COL1A1: variants seen among roughly 807,000 people sequenced by gnomAD.
The protein encoded by COL1A1 is collagen alpha-1(I) chain.
In COL1A1, 21 loss-of-function variants were observed where a neutral mutation model predicts 195.7. That is an observed-to-expected ratio of 0.11 (90% CI 0.08 to 0.15). The LOEUF is 0.15. COL1A1 is among the 10% of genes least tolerant of loss of function. The pLI, the probability that COL1A1 is intolerant of heterozygous loss-of-function variation, is 1.00. For synonymous variants in COL1A1, 749 were observed against 747.3 expected (o/e 1.00, Z -0.04); for missense variants, 1,365 against 2,051.0 (o/e 0.67, Z 6.46).
At chr17:50,191,718 C>T in intron 31 of COL1A1, 70 bp downstream of exon 31, 2 of 1,505,214 alleles carry the variant, frequency 1.3e-6, no homozygotes, top group Non-Finnish European at 9.0e-7. Context: ...GGCCCGCCAT[C>T]CCCTGCTGCA....
rs1213511877 is a variant in COL1A1 at position 50,188,586 on chromosome 17, G to A, written c.3151C>T (p.Pro1051Ser). 1 of 1,613,996 alleles carries A rather than the reference G, an allele frequency of 6.2e-7. No homozygotes were observed. Among genetic ancestry groups the A allele is most frequent in the East Asian group, 2.2e-5 (1 of 44,870 alleles). ...GGGCCAACGGGGCCAGGGGCACCAG[G>A]AGCACCAGGAGCACCAGGGGGTCCA... ...PAGPPGAPGA[P>S]GAPGPVGPAG... is the part of the protein sequence containing the mutation. Residue 1051 changes from proline to serine, a missense_variant, in exon 43 of 51, where the codon CCT becomes TCT. Transcript: ENST00000225964. This position sits in a 1 kb window ranked among gnomAD's most constrained non-coding sequence, Gnocchi z 5.6.
rs1907006576 is a variant in COL1A1, at chr17:50,190,795, G to A, written c.2343+22C>T. 1 of 1,594,988 alleles carries A rather than the reference G, an allele frequency of 6.3e-7. No individual in the cohort carries two copies. Among genetic ancestry groups the A allele is most frequent in the African/African-American group, 1.3e-5 (1 of 74,568 alleles). ...GAGGAGGCTATGTGTTAGGGCAGAA[G>A]GTGGGGAGGCGGCCACCTCACCTTG... On this transcript the variant is annotated intron_variant, in intron 33 of 50. Coordinates refer to ENST00000225964, the MANE Select transcript of COL1A1 (RefSeq NM_000088.4). The surrounding 1 kb of genome is among the most constrained non-coding windows in gnomAD (Gnocchi z 4.7).
In COL1A1 at chr17:50,190,307, A is replaced by G. The variant is rs772536528; in HGVS notation, c.2451+20T>C. The G allele has an allele frequency of 3.3e-6, 5 of 1,537,940 alleles. No homozygotes were observed. The highest frequency in any genetic ancestry group is 4.5e-6 in the Non-Finnish European group (5 of 1,112,182). On this transcript the variant is annotated intron_variant, in intron 35 of 50. Coordinates refer to ENST00000225964, the MANE Select transcript of COL1A1 (RefSeq NM_000088.4). The surrounding 1 kb of genome is among the most constrained non-coding windows in gnomAD (Gnocchi z 4.7). ...AGGTCCCAGTCGGTGATGAAAAATGATGGGGGTCTTGGTACTCACAGGGGG... is the reference window on the plus strand; with the variant it reads ...AGGTCCCAGTCGGTGATGAAAAATGGTGGGGGTCTTGGTACTCACAGGGGG...
chr17:50,192,629 T>C lies in COL1A1; in HGVS notation c.1929+11A>G, dbSNP rs1323161515. 17 of 1,614,180 alleles carry C rather than the reference T, an allele frequency of 1.1e-5. No individual in the cohort carries two copies. The East Asian group carries it at 3.8e-4, about 36-fold the overall frequency. ...CTACCTCCCAGCATCCTGACAGCCA[T>C]GAGGCCTCACCTGGAATCCGGGGGA... On this transcript the variant is annotated intron_variant, in intron 28 of 50. Coordinates refer to ENST00000225964, the MANE Select transcript of COL1A1 (RefSeq NM_000088.4).
chr17:50,189,043 G>A lies in COL1A1; in HGVS notation c.2938-33C>T. On this transcript the variant is annotated intron_variant, in intron 40 of 50. Coordinates refer to ENST00000225964, the MANE Select transcript of COL1A1 (RefSeq NM_000088.4). The surrounding 1 kb of genome is among the most constrained non-coding windows in gnomAD (Gnocchi z 5.5). ...AGAAGAAAGAGTCAGGCCAGAGATA[G>A]GGTCTGGGAGGACCCTTGAGTCCGC... is the stretch of plus-strand genomic sequence containing the variant. The A allele has an allele frequency of 6.3e-7, 1 of 1,587,868 alleles. No individual in the cohort carries two copies. Among genetic ancestry groups the A allele is most frequent in the African/African-American group, 1.3e-5 (1 of 74,428 alleles).
Position 50,191,305 on chromosome 17 carries a change from G to T in COL1A1, c.2235+78C>A, listed in dbSNP as rs1907053382. ...GAAGAGGGACAGATCCCAGAGAGAA[G>T]GAGAGATGCTGAGAGATTCAAAGCA... On this transcript the variant is annotated intron_variant, in intron 32 of 50. Coordinates refer to ENST00000225964, the MANE Select transcript of COL1A1 (RefSeq NM_000088.4). The T allele has an allele frequency of 1.2e-5, 15 of 1,280,310 alleles. No individual in the cohort carries two copies. In the South Asian group the frequency reaches 1.5e-4, roughly 13 times the overall value. The allele number at this position is 1,280,310 out of a possible 1,614,324, so 79.3% of individuals were successfully genotyped here. A position where few individuals can be genotyped will look rare whatever the true frequency, so the allele number is the denominator to read the frequency against.
chr17:50,196,581 G>A (rs763131170), intron 12 of COL1A1, 36 bp downstream of exon 12: 35 of 1,614,090 alleles, frequency 2.2e-5, no homozygotes, highest in Non-Finnish European at 3.0e-5. Flanking sequence ...GGACTCTGGG[G>A]ATGTGGAGGA....
chr17:50,195,177 G>A lies in COL1A1; in HGVS notation c.1299+55C>T, dbSNP rs1177983863. 1 of 1,604,958 alleles carries A rather than the reference G, an allele frequency of 6.2e-7. No individual in the cohort carries two copies. The highest frequency in any genetic ancestry group is 8.5e-7 in the Non-Finnish European group (1 of 1,172,060). The stretch of plus-strand genomic sequence containing the variant: ...CTGCGTCTTCCTGCTCCCCAGATGA[G>A]AGCCGCACTGGAGCCAGTGCATGGG... On this transcript the variant is annotated intron_variant, in intron 19 of 50. Transcript: ENST00000225964. This position sits in a 1 kb window ranked among gnomAD's most constrained non-coding sequence, Gnocchi z 4.3.
Position 50,189,544 on chromosome 17 carries a change from T to A in COL1A1, c.2668-6A>T. On this transcript the variant is annotated splice_region_variant and splice_polypyrimidine_tract_variant and intron_variant, in intron 38 of 50. Transcript: ENST00000225964. The surrounding 1 kb of genome is among the most constrained non-coding windows in gnomAD (Gnocchi z 5.5). ...CCAGGGGGTCCAGCATTTCCCTGGATGAGGATAGGAGGGGCTGTCAGACTC... is the reference window on the plus strand; with the variant it reads ...CCAGGGGGTCCAGCATTTCCCTGGAAGAGGATAGGAGGGGCTGTCAGACTC... 6.2e-7 allele frequency: 1 copy of A among 1,611,680 alleles called. No homozygotes were observed. Among genetic ancestry groups the A allele is most frequent in the Non-Finnish European group, 8.5e-7 (1 of 1,179,120 alleles).
At position 50,197,719 on chromosome 17, in the gene COL1A1, T is replaced by C; in HGVS notation, c.696+13A>G. 1.3e-6 allele frequency: 2 copies of C among 1,575,496 alleles called. No individual in the cohort carries two copies. Among genetic ancestry groups the C allele is most frequent in the Non-Finnish European group, 1.7e-6 (2 of 1,165,236 alleles). On this transcript the variant is annotated intron_variant, in intron 9 of 50. Transcript: ENST00000225964. ...ATGGGGTCAGATGGTATCTTCTTGC[T>C]GGGGATACTTACATCATCTCCATTC... is the stretch of plus-strand genomic sequence containing the variant.
Position 50,201,545 on chromosome 17 carries a change from G to A in COL1A1, c.-32C>T, listed in dbSNP as rs1337411878. 1.3e-6 allele frequency: 2 copies of A among 1,584,190 alleles called. No individual in the cohort carries two copies. Among genetic ancestry groups the A allele is most frequent in the South Asian group, 2.2e-5 (2 of 88,928 alleles). On this transcript the variant is annotated 5_prime_UTR_variant, in exon 1 of 51. Coordinates refer to ENST00000225964, the MANE Select transcript of COL1A1 (RefSeq NM_000088.4). Reference sequence around the variant, plus strand: ...ACCCTAGACATGTAGACTCTTTGTGGCTGGGGAGGGGGTTAGCGTCCGCTC... The same window carrying A: ...ACCCTAGACATGTAGACTCTTTGTGACTGGGGAGGGGGTTAGCGTCCGCTC...
intron 46 of COL1A1, 144 bp downstream of exon 46, chr17:50,187,340 G>T: frequency 2.2e-6 from 2 of 906,008 alleles, no homozygotes; most frequent in Non-Finnish European, 3.5e-6. Flanking sequence ...CAGATTGTTT[G>T]TTCAGGATTC....
Position 50,185,387 on chromosome 17 carries a change from A to C in COL1A1, c.*115T>G, listed in dbSNP as rs1183248956. On this transcript the variant is annotated 3_prime_UTR_variant, in exon 51 of 51. Transcript: ENST00000225964. ...AAAAATATTTTCCAAAGTCCATGTGAAATTGTCTCCCATTTTTTGGCTTTT... is the reference window on the plus strand; with the variant it reads ...AAAAATATTTTCCAAAGTCCATGTGCAATTGTCTCCCATTTTTTGGCTTTT... 8 of 1,167,720 alleles carry C rather than the reference A, an allele frequency of 6.9e-6. No individual in the cohort carries two copies. The highest frequency in any genetic ancestry group is 1.0e-5 in the Non-Finnish European group (8 of 784,462). 72.3% of individuals were successfully genotyped at this position (1,167,720 alleles called of 1,614,324 possible).
In COL1A1 at chr17:50,195,137, G is replaced by T. The variant is rs770457399; in HGVS notation, c.1300-37C>A. On this transcript the variant is annotated intron_variant, in intron 19 of 50. Coordinates refer to ENST00000225964, the MANE Select transcript of COL1A1 (RefSeq NM_000088.4). The surrounding 1 kb of genome is among the most constrained non-coding windows in gnomAD (Gnocchi z 4.3). ...GAGAAGAGGATGAGCTGAGAGTCGG[G>T]GGCGCTCAGTTGGCCTGCGTCTTCC... The T allele has an allele frequency of 3.7e-6, 6 of 1,610,596 alleles. No homozygotes were observed. The highest frequency in any genetic ancestry group is 2.2e-5 in the South Asian group (2 of 91,002).
rs1567751251 is a variant in COL1A1, at chr17:50,185,457, GA to G, written c.*44del. On this transcript the variant is annotated 3_prime_UTR_variant, in exon 51 of 51. Transcript: ENST00000225964. ...TGCTTGTCTGTTTCCGGGTTGGGGG[GA>G]AAGTTGGTTGGGTGGGAGGGAGCCA... 6 of 1,611,512 alleles carry G rather than the reference GA, an allele frequency of 3.7e-6. No homozygotes were observed. In the East Asian group the frequency reaches 1.1e-4, roughly 30 times the overall value.
At position 50,198,716 on chromosome 17, in the gene COL1A1, T is replaced by TGTGGTGAGGGGC. The variant is rs1308528664; in HGVS notation, c.472-213_472-212insGCCCCTCACCAC. Reference sequence around the variant, plus strand: ...GGGACAGTCTGCAAAACAACTGGACTCATCAAAACTCCCAGTGCCACTAAA... The same window carrying TGTGGTGAGGGGC: ...GGGACAGTCTGCAAAACAACTGGACTGTGGTGAGGGGCCATCAAAACTCCCAGTGCCACTAAA... On this transcript the variant is annotated intron_variant, in intron 5 of 50. Transcript: ENST00000225964. 1.8e-4 allele frequency: 103 copies of TGTGGTGAGGGGC among 584,426 alleles called. No homozygotes were observed. In the African/African-American group the frequency reaches 1.8e-3, roughly 10 times the overall value. The allele number at this position is 584,426 out of a possible 1,614,324, so 36.2% of individuals were successfully genotyped here.
chr17:50,201,541 T>A lies in COL1A1; in HGVS notation c.-28A>T. ...CTAGACCCTAGACATGTAGACTCTT[T>A]GTGGCTGGGGAGGGGGTTAGCGTCC... On this transcript the variant is annotated 5_prime_UTR_variant, in exon 1 of 51. Transcript: ENST00000225964. 1 of 1,592,694 alleles carries A rather than the reference T, an allele frequency of 6.3e-7. No individual in the cohort carries two copies. The highest frequency in any genetic ancestry group is 8.5e-7 in the Non-Finnish European group (1 of 1,169,766).
At position 50,192,376 on chromosome 17, in the gene COL1A1, A is replaced by C. The variant is rs1367019049; in HGVS notation, c.1983+99T>G. 5.1e-6 allele frequency: 7 copies of C among 1,363,764 alleles called. No homozygotes were observed. The African/African-American group carries it at 1.0e-4, about 20-fold the overall frequency. 84.5% of individuals were successfully genotyped at this position (1,363,764 alleles called of 1,614,324 possible). A position where few individuals can be genotyped will look rare whatever the true frequency, so the allele number is the denominator to read the frequency against. The stretch of plus-strand genomic sequence containing the variant: ...AAGTTCTTTCCGGCGTCTAACCTCA[A>C]TCCCTCTAGTTGATGGCTGTCTGAT... On this transcript the variant is annotated intron_variant, in intron 29 of 50. Coordinates refer to ENST00000225964, the MANE Select transcript of COL1A1 (RefSeq NM_000088.4).
Position 50,190,313 on chromosome 17 carries a change from G to T in COL1A1, c.2451+14C>A, listed in dbSNP as rs1327167581. On this transcript the variant is annotated intron_variant, in intron 35 of 50. Coordinates refer to ENST00000225964, the MANE Select transcript of COL1A1 (RefSeq NM_000088.4). This position sits in a 1 kb window ranked among gnomAD's most constrained non-coding sequence, Gnocchi z 4.7. ...CAGTCGGTGATGAAAAATGATGGGG[G>T]TCTTGGTACTCACAGGGGGGCCAGC... 1.2e-5 allele frequency: 19 copies of T among 1,546,976 alleles called. No homozygotes were observed. The highest frequency in any genetic ancestry group is 1.7e-5 in the Non-Finnish European group (19 of 1,120,732).
Sources: gnomAD v4.1 joint callset for allele counts on GRCh38, gnomAD v4.1.1 for gene constraint, Gnocchi (gnomAD v3.1) non-coding constraint, MANE v1.5 for transcripts, NCBI Gene and HGNC (gene_info 2026-07-23, HGNC 2026-07-21) for gene names.